The following KIF16B variants were observed in gnomAD, a reference collection of about 807,000 sequenced individuals.
The protein encoded by KIF16B is kinesin family member 16B, also known as kinesin-like protein KIF16B.
In KIF16B, 98 loss-of-function variants were observed where a neutral mutation model predicts 156.3. That is an observed-to-expected ratio of 0.63 (90% CI 0.53 to 0.74). The LOEUF is 0.74. KIF16B is among the 30% of genes least tolerant of loss of function. The pLI, the probability that KIF16B is intolerant of heterozygous loss-of-function variation, is 0.00. For missense variants in KIF16B, 1,421 were observed against 1,606.5 expected (o/e 0.88, Z 1.97); for synonymous variants, 564 against 583.7 (o/e 0.97, Z 0.49).
chr20:16,282,848 C>A (rs2063167370), intron 25 of KIF16B, among the ~76,000 whole-genome samples: 1 of 152,160 alleles, frequency 6.6e-6, no homozygotes, highest in Admixed American at 6.5e-5. Context: ...TCCTGCCAGG[C>A]CTTCAGGAAG....
chr20:16,500,436 G>C (rs975246825), intron 10 of KIF16B, among the ~76,000 whole-genome samples: 1 of 152,058 alleles, frequency 6.6e-6, no homozygotes, highest in African/African-American at 2.4e-5. Flanking sequence ...GTATTGGTTA[G>C]AGCAAATTTT....
intron 12 of KIF16B, among the ~76,000 whole-genome samples, chr20:16,470,661 CTT>C (rs1247299482): frequency 1.5e-4 from 20 of 136,700 alleles, no homozygotes; most frequent in Non-Finnish European, 1.4e-4. Context: ...TTCTTTTTTT[CTT>C]TTTTTTTTTT....
chr20:16,408,556 T>C (rs566867950), intron 15 of KIF16B, among the ~76,000 whole-genome samples: 11 of 152,252 alleles, frequency 7.2e-5, no homozygotes, highest in Admixed American at 2.6e-4. Context: ...CCAATTCTTC[T>C]TTTTTTCTGT....
At chr20:16,560,145 C>G (rs748749129) in intron 1 of KIF16B, among the ~76,000 whole-genome samples, 11 of 152,116 alleles carry the variant, frequency 7.2e-5, no homozygotes, top group Non-Finnish European at 1.3e-4. Context: ...CAGCCAAGGA[C>G]CACTGATACC....
intron 12 of KIF16B, among the ~76,000 whole-genome samples, chr20:16,437,262 A>G (rs2066666043): frequency 6.6e-6 from 1 of 152,234 alleles, no homozygotes; most frequent in South Asian, 2.1e-4. Context: ...ATGGTTGGTA[A>G]AATCCATGGA....
chr20:16,558,058 T>C (rs2070919037), intron 1 of KIF16B, among the ~76,000 whole-genome samples: 1 of 152,174 alleles, frequency 6.6e-6, no homozygotes, highest in Non-Finnish European at 1.5e-5. Context: ...GGGGCACTAT[T>C]TTCAATGGAA....
chr20:16,445,454 A>G (rs185108649), intron 12 of KIF16B, among the ~76,000 whole-genome samples: 103 of 122,002 alleles, frequency 8.4e-4, no homozygotes, highest in Non-Finnish European at 1.5e-3. Flanking sequence ...GTTTTAATCT[A>G]AAGTCATTCT....
intron 1 of KIF16B, among the ~76,000 whole-genome samples, chr20:16,533,979 G>T (rs528648619): frequency 6.6e-6 from 1 of 152,138 alleles, no homozygotes; most frequent in African/African-American, 2.4e-5. Context: ...ATAAAGATGT[G>T]GCTGGGCACA....
At chr20:16,468,759 T>C (rs1454300325) in intron 12 of KIF16B, among the ~76,000 whole-genome samples, 1 of 151,822 alleles carries the variant, frequency 6.6e-6, no homozygotes, top group Admixed American at 6.6e-5. Flanking sequence ...TTTCCAACAC[T>C]CCTCTATGAG....
intron 12 of KIF16B, among the ~76,000 whole-genome samples, chr20:16,468,575 CAAAA>C (rs550510241): frequency 4.0e-3 from 145 of 35,822 alleles, no homozygotes; most frequent in Admixed American, 6.4e-3. Flanking sequence ...GACTCCGTCT[CAAAA>C]AAAAAAAAAA....
intron 10 of KIF16B, among the ~76,000 whole-genome samples, chr20:16,503,992 A>T (rs905451373): frequency 1.3e-5 from 2 of 152,208 alleles, no homozygotes; most frequent in African/African-American, 4.8e-5. Flanking sequence ...CAAGTCTTTT[A>T]TTCTGTTAAA....
intron 20 of KIF16B, among the ~76,000 whole-genome samples, chr20:16,373,828 A>G (rs1476265962): frequency 6.6e-6 from 1 of 152,192 alleles, no homozygotes. Flanking sequence ...GTTTTTTCCA[A>G]TAAATACAGC....
intron 17 of KIF16B, among the ~76,000 whole-genome samples, chr20:16,387,214 G>C (rs2065250086): frequency 6.6e-6 from 1 of 152,162 alleles, no homozygotes; most frequent in Admixed American, 6.5e-5. Flanking sequence ...GGGCCGGTGG[G>C]CAAGAGAACT....
rs111478516 is a variant in KIF16B, at chr20:16,315,358, T to C, written c.3712-2940A>G. Among the ~76,000 whole-genome samples the C allele has an allele frequency of 4.6e-3, 700 of 152,154 alleles. 10 individuals are homozygous for C. The highest frequency in any genetic ancestry group is 0.016 in the African/African-American group (663 of 41,508). On this transcript the variant is annotated intron_variant, in intron 24 of 25. Coordinates refer to ENST00000354981, the MANE Select transcript of KIF16B (RefSeq NM_024704.5). Reference sequence around the variant, plus strand: ...CTCAACTAACTGTCTGACTTTAGAGTTGAAGACACCCAAGCCCAGAGCTAA... The same window carrying C: ...CTCAACTAACTGTCTGACTTTAGAGCTGAAGACACCCAAGCCCAGAGCTAA...
At chr20:16,521,037 T>C (rs535217278) in intron 3 of KIF16B, among the ~76,000 whole-genome samples, 30 of 152,096 alleles carry the variant, frequency 2.0e-4, no homozygotes, top group African/African-American at 6.3e-4. Flanking sequence ...AGACCAAAGA[T>C]AGATAAATCC....
intron 3 of KIF16B, among the ~76,000 whole-genome samples, chr20:16,519,638 T>C (rs1048738118): frequency 2.6e-5 from 4 of 152,214 alleles, no homozygotes; most frequent in Non-Finnish European, 5.9e-5. Context: ...AGATTTCACA[T>C]TTCTAACAAG....
At chr20:16,562,814 G>A (rs994488136) in intron 1 of KIF16B, among the ~76,000 whole-genome samples, 7 of 152,146 alleles carry the variant, frequency 4.6e-5, no homozygotes, top group Admixed American at 6.6e-5. Flanking sequence ...CTCTGAAGAC[G>A]GGCATATGAG....
intron 25 of KIF16B, among the ~76,000 whole-genome samples, chr20:16,296,933 C>G (rs552751302): frequency 2.0e-5 from 3 of 152,184 alleles, no homozygotes; most frequent in African/African-American, 7.2e-5. Context: ...CAGGTGAAGG[C>G]CTGAACAGAA....
chr20:16,434,072 A>C (rs906710550), intron 12 of KIF16B, among the ~76,000 whole-genome samples: 20 of 152,268 alleles, frequency 1.3e-4, no homozygotes, highest in Middle Eastern at 3.4e-3. Flanking sequence ...TTAAAAAAAA[A>C]CCCCACAAAC....
Sources: allele counts gnomAD v4.1 joint callset (sites outside exome capture counted in the v4.1 genomes callset), GRCh38; gene constraint gnomAD v4.1.1; transcripts MANE v1.5; gene names NCBI Gene and HGNC (gene_info 2026-07-23, HGNC 2026-07-21).